The following OLFML1 variants were observed in gnomAD, a reference collection of about 807,000 sequenced individuals.
OLFML1 encodes olfactomedin like 1, also known as olfactomedin-like protein 1.
OLFML1 carries 33 observed loss-of-function variants against 37.3 expected under a neutral mutation model. The ratio of observed to expected loss-of-function variants is 0.88; its 90% CI spans 0.67 to 1.18. The LOEUF (loss-of-function observed/expected upper bound fraction) is 1.18, where lower values mean the gene tolerates loss of function less well. Among genes scored for constraint, OLFML1 ranks in the 50% most tolerant of loss-of-function variants. The pLI, the probability that OLFML1 is intolerant of heterozygous loss-of-function variation, is 0.00. For missense variants in OLFML1, 545 were observed against 483.7 expected, an observed-to-expected ratio of 1.13 and a Z score of -1.19; for synonymous variants, 186 against 181.3, an observed-to-expected ratio of 1.03 and a Z score of -0.21.
At position 7,510,270 on chromosome 11, in the gene OLFML1, A is replaced by G; in HGVS notation, c.*82A>G. On this transcript the variant is annotated 3_prime_UTR_variant, in exon 3 of 3. Coordinates refer to ENST00000329293, the MANE Select transcript of OLFML1 (RefSeq NM_198474.4). ...TGAGGCTATAGCCCCTTCACAATAT[A>G]GTATCCCTCTAATCACACACAGGAA... 4 of 1,084,958 alleles carry G rather than the reference A, an allele frequency of 3.7e-6. No individual in the cohort carries two copies. The highest frequency in any genetic ancestry group is 5.2e-6 in the Non-Finnish European group (4 of 766,760). The allele number at this position is 1,084,958 out of a possible 1,614,324, so 67.2% of individuals were successfully genotyped here.
intron 2 of OLFML1, among the ~76,000 whole-genome samples, chr11:7,503,970 CATGGAG>C (rs1269343344): frequency 6.6e-6 from 1 of 152,140 alleles, no homozygotes; most frequent in African/African-American, 2.4e-5. Context: ...CTTATACCCT[CATGGAG>C]TTTATATTTT....
At chr11:7,502,485 T>C (rs1031688312) in intron 2 of OLFML1, among the ~76,000 whole-genome samples, 1 of 152,210 alleles carries the variant, frequency 6.6e-6, no homozygotes, top group Non-Finnish European at 1.5e-5. Context: ...TAGAGACTAT[T>C]GCAGTGGTCT....
chr11:7,488,470 A>G (rs1329852285), intron 2 of OLFML1, 55 bp downstream of exon 2: 1 of 1,403,922 alleles, frequency 7.1e-7, no homozygotes, highest in East Asian at 2.4e-5. Context: ...GCTCAGAAAC[A>G]CACAGACTCA....
At chr11:7,490,389 A>C in intron 2 of OLFML1, among the ~76,000 whole-genome samples, 1 of 152,122 alleles carries the variant, frequency 6.6e-6, no homozygotes, top group Non-Finnish European at 1.5e-5. Context: ...ATGTGGCCTG[A>C]GCTAGAATGT....
Position 7,510,256 on chromosome 11 carries a change from C to G in OLFML1, c.*68C>G. The G allele has an allele frequency of 1.6e-6, 2 of 1,252,534 alleles. No individual in the cohort carries two copies. Among genetic ancestry groups the G allele is most frequent in the South Asian group, 2.9e-5 (2 of 69,446 alleles). 77.6% of individuals were successfully genotyped at this position (1,252,534 alleles called of 1,614,324 possible). ...GTTCTACAGGACAGTGAGGCTATAG[C>G]CCCTTCACAATATAGTATCCCTCTA... On this transcript the variant is annotated 3_prime_UTR_variant, in exon 3 of 3. Coordinates refer to ENST00000329293, the MANE Select transcript of OLFML1 (RefSeq NM_198474.4).
chr11:7,486,513 G>A lies in OLFML1; in HGVS notation c.129+509G>A, dbSNP rs548920369. On this transcript the variant is annotated intron_variant, in intron 1 of 2. Coordinates refer to ENST00000329293, the MANE Select transcript of OLFML1 (RefSeq NM_198474.4). ...AAAAGTCATGATATCAATGTACTGA[G>A]AAGTCTTAGTTTCTTTTGCTGAACT... Among the ~76,000 whole-genome samples, 5 of 152,276 alleles carry A rather than the reference G, an allele frequency of 3.3e-5. No homozygotes were observed. In the South Asian group the frequency reaches 8.3e-4, roughly 25 times the overall value.
intron 2 of OLFML1, among the ~76,000 whole-genome samples, chr11:7,500,722 G>GT (rs74647381): frequency 0.01 from 1,482 of 144,356 alleles, 18 homozygotes; most frequent in African/African-American, 0.024. Flanking sequence ...GTTTAAGAAG[G>GT]TTTTTTTTTT....
chr11:7,508,265 C>T (rs376774551), intron 2 of OLFML1, among the ~76,000 whole-genome samples: 7 of 152,042 alleles, frequency 4.6e-5, no homozygotes, highest in East Asian at 1.9e-4. Flanking sequence ...TTAATAAGAC[C>T]GGCACAGTTA....
In OLFML1 at chr11:7,509,977, C is replaced by A; in HGVS notation, c.998C>A (p.Thr333Asn). 6.2e-7 allele frequency: 1 copy of A among 1,614,232 alleles called. No homozygotes were observed. Among genetic ancestry groups the A allele is most frequent in the Non-Finnish European group, 8.5e-7 (1 of 1,180,032 alleles). The change falls in exon 3 of 3, where the codon ACT (threonine) becomes AAT (asparagine). Residue 333 changes from threonine to asparagine, a missense_variant. By Grantham distance (65) the Thr-to-Asn change is moderately conservative. Transcript: ENST00000329293. ...LCGVLYVVYSTGGQGPHRITC... is the reference protein window; with the variant it reads ...LCGVLYVVYSNGGQGPHRITC... ...GGGGTTCTCTATGTGGTCTACAGTA[C>A]TGGGGGCCAGGGCCCTCATCGCATC...
chr11:7,509,582 G>C lies in OLFML1; in HGVS notation c.603G>C (p.Lys201Asn). Residue 201 changes from lysine to asparagine, a missense_variant, in exon 3 of 3, where the codon AAG (lysine) becomes AAC (asparagine). Lys to Asn is a moderately conservative substitution (Grantham distance 94). Transcript: ENST00000329293. ...GGGCATTCATGGAGGATAACACCAAGCCAGCTCCCCGGAAGCAAATCCTAA... is the reference window on the plus strand; with the variant it reads ...GGGCATTCATGGAGGATAACACCAACCCAGCTCCCCGGAAGCAAATCCTAA... ...NIRAFMEDNT[K>N]PAPRKQILTL... is the part of the protein sequence containing the mutation. 1 of 1,614,220 alleles carries C rather than the reference G, an allele frequency of 6.2e-7. No homozygotes were observed. The highest frequency in any genetic ancestry group is 8.5e-7 in the Non-Finnish European group (1 of 1,180,038).
At chr11:7,502,510 G>C (rs1848734910) in intron 2 of OLFML1, among the ~76,000 whole-genome samples, 2 of 152,144 alleles carry the variant, frequency 1.3e-5, no homozygotes. Flanking sequence ...AAAAAGTGAT[G>C]ATGAATGGAT....
At chr11:7,487,251 G>C (rs1289413660) in intron 1 of OLFML1, among the ~76,000 whole-genome samples, 1 of 152,210 alleles carries the variant, frequency 6.6e-6, no homozygotes. Flanking sequence ...GGCAGTCACT[G>C]TTGGCCAGCG....
chr11:7,494,187 C>T (rs1264176406), intron 2 of OLFML1, among the ~76,000 whole-genome samples: 1 of 152,174 alleles, frequency 6.6e-6, no homozygotes, highest in Non-Finnish European at 1.5e-5. Flanking sequence ...CATAATTGGG[C>T]TCAGTGTGTT....
chr11:7,502,667 G>A (rs903698608), intron 2 of OLFML1, among the ~76,000 whole-genome samples: 6 of 151,440 alleles, frequency 4.0e-5, no homozygotes, highest in African/African-American at 1.5e-4. Flanking sequence ...GTGCAGTGGC[G>A]CGATCTCGGC....
At chr11:7,502,423 T>C (rs1366374286) in intron 2 of OLFML1, among the ~76,000 whole-genome samples, 1 of 149,630 alleles carries the variant, frequency 6.7e-6, no homozygotes, top group Non-Finnish European at 1.5e-5. Context: ...CATACCGCTT[T>C]ATGGAGAACA....
At chr11:7,497,638 T>C (rs1048301703) in intron 2 of OLFML1, among the ~76,000 whole-genome samples, 8 of 152,202 alleles carry the variant, frequency 5.3e-5, no homozygotes, top group Admixed American at 3.9e-4. Flanking sequence ...CATACATCTA[T>C]GCACGTGAAA....
Position 7,488,125 on chromosome 11 carries a change from A to G in OLFML1, c.130-2A>G. On this transcript the variant is annotated splice_acceptor_variant, in intron 1 of 2. Transcript: ENST00000329293. LOFTEE classifies it high-confidence loss of function. The stretch of plus-strand genomic sequence containing the variant: ...ATTTGCAAATTTATTTTCTGACTGA[A>G]GCAAGGGCTGGAAAAATGTACCCAA... The G allele has an allele frequency of 6.3e-7, 1 of 1,598,970 alleles. No individual in the cohort carries two copies. Among genetic ancestry groups the G allele is most frequent in the East Asian group, 2.2e-5 (1 of 44,488 alleles).
At chr11:7,495,569 C>T (rs1488843498) in intron 2 of OLFML1, among the ~76,000 whole-genome samples, 1 of 152,194 alleles carries the variant, frequency 6.6e-6, no homozygotes, top group East Asian at 1.9e-4. Flanking sequence ...CTATCCCTAT[C>T]TGTCTGGTGC....
rs1380229714 is a variant in OLFML1 at position 7,510,376 on chromosome 11, G to T, written c.*188G>T. The T allele has an allele frequency of 1.1e-5, 6 of 566,190 alleles. No individual in the cohort carries two copies. Among genetic ancestry groups the T allele is most frequent in the East Asian group, 8.6e-5 (3 of 34,990 alleles). The allele number at this position is 566,190 out of a possible 1,614,324, so 35.1% of individuals were successfully genotyped here. A position where few individuals can be genotyped will look rare whatever the true frequency, so the allele number is the denominator to read the frequency against. ...GTATCTTCCAAGAGCTTAGATGAGA[G>T]CATATCATCAGGAAAGTTTCAACAA... On this transcript the variant is annotated 3_prime_UTR_variant, in exon 3 of 3. Coordinates refer to ENST00000329293, the MANE Select transcript of OLFML1 (RefSeq NM_198474.4).
Sources: allele counts gnomAD v4.1 joint callset (sites outside exome capture counted in the v4.1 genomes callset), GRCh38; gene constraint gnomAD v4.1.1; transcripts MANE v1.5; gene names NCBI Gene and HGNC (gene_info 2026-07-23, HGNC 2026-07-21).